The following CAPS2 variants were observed in gnomAD, a reference collection of about 807,000 sequenced individuals.
CAPS2 encodes calcyphosin-2.
In CAPS2, 98 loss-of-function variants were observed where a neutral mutation model predicts 86.5. The observed-to-expected ratio is 1.13, with a 90% CI of 0.96 to 1.34. The LOEUF is 1.34. CAPS2 is among the 40% of genes most tolerant of loss of function. CAPS2 has a pLI of 0.00. For missense variants in CAPS2, 729 were observed against 686.8 expected (o/e 1.06, Z -0.69); for synonymous variants, 210 against 225.1 (o/e 0.93, Z 0.60).
intron 7 of CAPS2, among the ~76,000 whole-genome samples, chr12:75,306,671 G>A (rs1484964320): frequency 6.6e-6 from 1 of 151,984 alleles, no homozygotes; most frequent in Non-Finnish European, 1.5e-5. Flanking sequence ...TTATTCTTTC[G>A]TATGGGACTG....
At chr12:75,363,673 GA>G (rs1172789598) in intron 1 of CAPS2, among the ~76,000 whole-genome samples, 4 of 149,926 alleles carry the variant, frequency 2.7e-5, no homozygotes, top group East Asian at 1.9e-4. Context: ...GAGGCCAGAG[GA>G]AAAAAAAATG....
intron 6 of CAPS2, among the ~76,000 whole-genome samples, chr12:75,313,277 C>G (rs1448480766): frequency 2.6e-5 from 4 of 152,150 alleles, no homozygotes; most frequent in African/African-American, 9.7e-5. Context: ...GCATCTTAAC[C>G]TGCTCCAAGA....
chr12:75,298,943 T>C (rs2037361706), exon 10 of CAPS2: 1 of 1,605,190 alleles, frequency 6.2e-7, no homozygotes, highest in Non-Finnish European at 8.5e-7. Flanking sequence ...CCCAATGAGC[T>C]CTCTGCAAGC....
At chr12:75,333,810 GTATT>G (rs1222840939), upstream of CAPS2, 1 of 151,976 alleles carries the variant, frequency 6.6e-6, no homozygotes, top group African/African-American at 2.4e-5. Flanking sequence ...CTAAGTAAAG[GTATT>G]TATTTGAAAC....
In CAPS2 at chr12:75,343,862, C is replaced by T. The variant is rs180934864; in HGVS notation, c.-394-20640G>A. 8.2e-5 allele frequency: 132 copies of T among 1,611,536 alleles called. No individual in the cohort carries two copies. Among genetic ancestry groups the T allele is most frequent in the Non-Finnish European group, 9.9e-5 (117 of 1,177,896 alleles). Reference sequence around the variant, plus strand: ...TCATTCACACCAAGACATGCCATTACGGCTTGGTATAATGAAACCCAATTT... The same window carrying T: ...TCATTCACACCAAGACATGCCATTATGGCTTGGTATAATGAAACCCAATTT... On this transcript the variant is annotated intron_variant, in intron 1 of 5. Transcript: ENST00000551829.
intron 1 of CAPS2, among the ~76,000 whole-genome samples, chr12:75,348,354 G>T (rs2042587575): frequency 6.6e-6 from 1 of 152,156 alleles, no homozygotes; most frequent in South Asian, 2.1e-4. Flanking sequence ...TGATGAAAAG[G>T]AGCTGAGATA....
At chr12:75,329,762 A>C, upstream of CAPS2, 1 of 1,342,320 alleles carries the variant, frequency 7.4e-7, no homozygotes, top group Non-Finnish European at 1.0e-6. Flanking sequence ...AATTTCAAGC[A>C]AAACAGGGTA....
rs1174147475 is a variant in CAPS2 at position 75,322,967 on chromosome 12, T to C, written c.291+7A>G. 2 of 1,400,350 alleles carry C rather than the reference T, an allele frequency of 1.4e-6. No individual in the cohort carries two copies. The highest frequency in any genetic ancestry group is 2.0e-5 in the Admixed American group (1 of 50,444). The allele number at this position is 1,400,350 out of a possible 1,614,324, so 86.7% of individuals were successfully genotyped here. A position where few individuals can be genotyped will look rare whatever the true frequency, so the allele number is the denominator to read the frequency against. On this transcript the variant is annotated splice_region_variant and intron_variant, in intron 4 of 16. Coordinates refer to ENST00000393284, the Ensembl canonical transcript of CAPS2. ...TTCTGAAAATTGATAAGCAAATAAA[T>C]ACTAACCAATTTATTTAGATGATAC...
At chr12:75,288,558 A>T (rs2035298357) in intron 14 of CAPS2, among the ~76,000 whole-genome samples, 1 of 152,214 alleles carries the variant, frequency 6.6e-6, no homozygotes, top group Non-Finnish European at 1.5e-5. Context: ...AGATCATTTG[A>T]AGCAAAAGAG....
At chr12:75,375,041 C>T (rs1353060090) in intron 1 of CAPS2, among the ~76,000 whole-genome samples, 1 of 152,146 alleles carries the variant, frequency 6.6e-6, no homozygotes, top group Non-Finnish European at 1.5e-5. Flanking sequence ...TCTGCAATCC[C>T]CCCAGGGCTG....
chr12:75,358,791 A>AATATATAATATATTATATATGTTTAAAT, intron 1 of CAPS2, among the ~76,000 whole-genome samples: 1 of 144,124 alleles, frequency 6.9e-6, no homozygotes, highest in African/African-American at 2.5e-5. Flanking sequence ...AATATATAAC[A>AATATATAATATATTATATATGTTTAAAT]ATATATAATA....
intron 7 of CAPS2, chr12:75,306,188 C>G (rs751287798): frequency 2.3e-5 from 18 of 782,388 alleles, no homozygotes; most frequent in Non-Finnish European, 3.7e-5. Flanking sequence ...CGGCCCGGCC[C>G]CTACGTGGAG....
At chr12:75,377,137 G>C (rs888238475) in intron 1 of CAPS2, among the ~76,000 whole-genome samples, 5 of 152,098 alleles carry the variant, frequency 3.3e-5, no homozygotes, top group African/African-American at 1.2e-4. Flanking sequence ...AGAACTATCA[G>C]TGCTCTCCAT....
intron 1 of CAPS2, among the ~76,000 whole-genome samples, chr12:75,354,252 C>T (rs545710528): frequency 6.6e-6 from 1 of 151,760 alleles, no homozygotes; most frequent in East Asian, 1.9e-4. Context: ...ATCTAGAAAA[C>T]CCCATTATCT....
intron 12 of CAPS2, among the ~76,000 whole-genome samples, chr12:75,292,832 T>C (rs944432134): frequency 3.3e-5 from 5 of 150,808 alleles, no homozygotes; most frequent in Admixed American, 2.7e-4. Flanking sequence ...GTGCACTTTA[T>C]CAATCAATGA....
rs1028668234 is a variant in CAPS2 at position 75,306,131 on chromosome 12, G to A, written c.660-1255C>T. 23 of 1,170,110 alleles carry A rather than the reference G, an allele frequency of 2.0e-5. No homozygotes were observed. In the African/African-American group the frequency reaches 3.2e-4, roughly 16 times the overall value. 72.5% of individuals were successfully genotyped at this position (1,170,110 alleles called of 1,614,324 possible). ...CCACCTTCCACATTCGGGAACGTGCGGAAGCTCATCACCGAGGAGTTCGTC... is the reference window on the plus strand; with the variant it reads ...CCACCTTCCACATTCGGGAACGTGCAGAAGCTCATCACCGAGGAGTTCGTC... On this transcript the variant is annotated intron_variant, in intron 7 of 16. Transcript: ENST00000393284.
intron 1 of CAPS2, chr12:75,343,932 T>C (rs771586842): frequency 1.2e-6 from 2 of 1,605,744 alleles, no homozygotes; most frequent in East Asian, 4.5e-5. Context: ...GTGGCCATTA[T>C]ACACAGGTAA....
intron 16 of CAPS2, among the ~76,000 whole-genome samples, chr12:75,279,998 C>T (rs1266768187): frequency 1.3e-5 from 2 of 151,762 alleles, no homozygotes; most frequent in African/African-American, 4.8e-5. Context: ...CTTTATACCC[C>T]TCACCCAGGA....
chr12:75,347,150 A>G (rs1254897667), intron 1 of CAPS2, among the ~76,000 whole-genome samples: 3 of 151,976 alleles, frequency 2.0e-5, no homozygotes, highest in African/African-American at 7.3e-5. Flanking sequence ...ATTCCTACCT[A>G]TGTCTTGTGA....
Sources: allele counts gnomAD v4.1 joint callset (sites outside exome capture counted in the v4.1 genomes callset), GRCh38; gene constraint gnomAD v4.1.1; transcripts MANE v1.5; gene names NCBI Gene and HGNC (gene_info 2026-07-23, HGNC 2026-07-21).